The following ADH4 variants were observed in gnomAD, a reference collection of about 807,000 sequenced individuals.
ADH4 encodes the protein all-trans-retinol dehydrogenase [NAD(+)] ADH4.
A neutral mutation model predicts 35.2 loss-of-function variants in ADH4; 31 were observed. That is an observed-to-expected ratio of 0.88 (90% CI 0.66 to 1.19). ADH4 has a LOEUF of 1.19. Among genes scored for constraint, ADH4 ranks in the 50% most tolerant of loss-of-function variants. ADH4 has a pLI of 0.00. For missense variants in ADH4, 476 were observed against 458.3 expected (o/e 1.04, Z -0.35); for synonymous variants, 171 against 160.2 (o/e 1.07, Z -0.51).
intron 8 of ADH4, among the ~76,000 whole-genome samples, chr4:99,125,357 C>G (rs1329584321): frequency 6.6e-6 from 1 of 152,210 alleles, no homozygotes; most frequent in Non-Finnish European, 1.5e-5. Context: ...AGGCTGATTA[C>G]CAGGGAAGCC....
chr4:99,134,616 G>A (rs1010996010), intron 5 of ADH4, among the ~76,000 whole-genome samples: 8 of 151,976 alleles, frequency 5.3e-5, no homozygotes, highest in African/African-American at 1.9e-4. Context: ...GGCTTTGACT[G>A]CCATGTGCAC....
At position 99,144,225 on chromosome 4, in the gene ADH4, T is replaced by G. The variant is rs1211726189; in HGVS notation, c.-3A>C. 7 of 1,613,684 alleles carry G rather than the reference T, an allele frequency of 4.3e-6. No homozygotes were observed. In the East Asian group the frequency reaches 6.7e-5, roughly 15 times the overall value. On this transcript the variant is annotated 5_prime_UTR_variant, in exon 1 of 9. Coordinates refer to ENST00000265512, the MANE Select transcript of ADH4 (RefSeq NM_000670.5). ...CTTACTTTGCCCTTGGTGCCCATTT[T>G]TCTTTGGGAAACTGTGTTGGAAGTT...
chr4:99,139,628 G>A (rs1438710991), intron 3 of ADH4, among the ~76,000 whole-genome samples: 5 of 151,984 alleles, frequency 3.3e-5, no homozygotes, highest in African/African-American at 9.7e-5. Flanking sequence ...TCTGTGCTTC[G>A]ATGCCTGAGG....
intron 1 of ADH4, 189 bp from the exon 2 acceptor site, chr4:99,142,969 TAAG>T (rs762243858): frequency 1.1e-4 from 66 of 622,966 alleles, no homozygotes; most frequent in Non-Finnish European, 1.6e-4. Context: ...TAAAGAAAAA[TAAG>T]AAGTTAAATT....
chr4:99,139,026 A>C (rs1729529007), intron 4 of ADH4, 35 bp downstream of exon 4: 1 of 1,509,572 alleles, frequency 6.6e-7, no homozygotes, highest in Admixed American at 1.8e-5. Context: ...TATTCATTCA[A>C]ATTTATACTA....
intron 4 of ADH4, among the ~76,000 whole-genome samples, chr4:99,137,728 A>G (rs551678973): frequency 6.6e-6 from 1 of 152,304 alleles, no homozygotes; most frequent in South Asian, 2.1e-4. Flanking sequence ...TCCAGTAACC[A>G]TCAATTCATG....
Position 99,124,183 on chromosome 4 carries a change from C to A in ADH4, c.*259G>T. The A allele has an allele frequency of 2.9e-6, 1 of 342,332 alleles. No individual in the cohort carries two copies. Among genetic ancestry groups the A allele is most frequent in the Non-Finnish European group, 5.2e-6 (1 of 193,144 alleles). The allele number at this position is 342,332 out of a possible 1,614,324, so 21.2% of individuals were successfully genotyped here. A position where few individuals can be genotyped will look rare whatever the true frequency, so the allele number is the denominator to read the frequency against. The stretch of plus-strand genomic sequence containing the variant: ...TCTTCATTCCCCACTTTCAACTTCC[C>A]AGAACTAATTTTAAACAATTTCTAA... On this transcript the variant is annotated 3_prime_UTR_variant, in exon 9 of 9. Coordinates refer to ENST00000265512, the MANE Select transcript of ADH4 (RefSeq NM_000670.5).
Position 99,126,628 on chromosome 4 carries a change from TG to T in ADH4, c.1083del (p.Ser362ValfsTer6). 1 of 1,609,314 alleles carries T rather than the reference TG, an allele frequency of 6.2e-7. No homozygotes were observed. Among genetic ancestry groups the T allele is most frequent in the Non-Finnish European group, 8.5e-7 (1 of 1,176,584 alleles). On this transcript the variant is annotated frameshift_variant, in exon 8 of 9. Coordinates refer to ENST00000265512, the MANE Select transcript of ADH4 (RefSeq NM_000670.5). LOFTEE classifies it high-confidence loss of function. Reference sequence around the variant, plus strand: ...TGGTTCATTAGGTCAAATGCCTCACTGATTTTGTCAAAAGGCAGGGTATGGG... The same window carrying T: ...TGGTTCATTAGGTCAAATGCCTCACTATTTTGTCAAAAGGCAGGGTATGGG... ...LVTHTLPFDKISEAFDLMNQG... is the reference protein window; with the variant it reads ...LVTHTLPFDKXSEAFDLMNQG...
intron 5 of ADH4, among the ~76,000 whole-genome samples, chr4:99,135,942 G>A (rs1372417493): frequency 2.6e-5 from 4 of 152,108 alleles, no homozygotes; most frequent in South Asian, 4.1e-4. Context: ...GACACATCTG[G>A]TCAACATTAC....
rs1035170668 is a variant in ADH4, at chr4:99,141,780, A to G, written c.121-98T>C. 2.1e-5 allele frequency: 25 copies of G among 1,178,124 alleles called. No individual in the cohort carries two copies. The Middle Eastern group carries it at 3.3e-3, about 157-fold the overall frequency. The allele number at this position is 1,178,124 out of a possible 1,614,324, so 73.0% of individuals were successfully genotyped here. ...AGGCTTGATATCATTTTAAAACTTT[A>G]TAAGACTTCTAGAACTCAATAAAAG... is the stretch of plus-strand genomic sequence containing the variant. On this transcript the variant is annotated intron_variant, in intron 2 of 8. Transcript: ENST00000265512.
chr4:99,131,718 C>A lies in ADH4; in HGVS notation c.629G>T (p.Gly210Val), dbSNP rs1201987957. Residue 210 changes from glycine (G) to valine (V), a missense_variant, in exon 6 of 9, where the codon GGT becomes GTT. Coordinates refer to ENST00000265512, the MANE Select transcript of ADH4 (RefSeq NM_000670.5). ...TTTACAACCCATTACAGCAGAAAGACCCACACCTCCTAGGCCAAAGACAGC... is the reference window on the plus strand; with the variant it reads ...TTTACAACCCATTACAGCAGAAAGAACCACACCTCCTAGGCCAAAGACAGC... The part of the protein sequence containing the change: ...TCAVFGLGGV[G>V]LSAVMGCKAA... 3 of 1,614,120 alleles carry A rather than the reference C, an allele frequency of 1.9e-6. No homozygotes were observed. Among genetic ancestry groups the A allele is most frequent in the Non-Finnish European group, 2.5e-6 (3 of 1,180,006 alleles).
At chr4:99,130,174 A>G (rs1322478255) in intron 6 of ADH4, among the ~76,000 whole-genome samples, 1 of 152,194 alleles carries the variant, frequency 6.6e-6, no homozygotes, top group Non-Finnish European at 1.5e-5. Flanking sequence ...ATAAGTAACT[A>G]TTGTTTTACA....
chr4:99,125,593 G>A (rs1560773946), intron 8 of ADH4, among the ~76,000 whole-genome samples: 1 of 152,154 alleles, frequency 6.6e-6, no homozygotes. Context: ...ATAATACATT[G>A]CAGGGCTTAT....
chr4:99,139,214 C>T, intron 3 of ADH4, 66 bp from the exon 4 acceptor site: 1 of 999,044 alleles, frequency 1.0e-6, no homozygotes. Context: ...CCAGATAAAT[C>T]AGTGGAAAAC....
intron 6 of ADH4, among the ~76,000 whole-genome samples, chr4:99,128,621 G>C (rs1404871338): frequency 6.6e-6 from 1 of 151,956 alleles, no homozygotes; most frequent in Non-Finnish European, 1.5e-5. Flanking sequence ...ATAAATGCTG[G>C]ATATGTGAGT....
At chr4:99,126,884 C>G in intron 7 of ADH4, 152 bp from the exon 8 acceptor site, 1 of 669,686 alleles carries the variant, frequency 1.5e-6, no homozygotes, top group Non-Finnish European at 2.2e-6. Context: ...GTACTTATAT[C>G]TATTTTAAAA....
intron 5 of ADH4, 57 bp from the exon 6 acceptor site, chr4:99,131,821 T>C (rs1729285426): frequency 1.3e-6 from 2 of 1,555,538 alleles, no homozygotes; most frequent in Admixed American, 1.9e-5. Context: ...ACTTTTTTTC[T>C]TTTAAGAGTC....
chr4:99,143,001 A>G lies in ADH4; in HGVS notation c.19-221T>C, dbSNP rs29001172. ...TTAAATTCTACATTATAGTCATTAC[A>G]TTTTTTATTTCTTGAAAAAAAAACA... is the stretch of plus-strand genomic sequence containing the variant. On this transcript the variant is annotated intron_variant, in intron 1 of 8. Transcript: ENST00000265512. 1.8e-3 allele frequency: 1,129 copies of G among 621,396 alleles called. 11 individuals carry two copies. The African/African-American group carries it at 0.026, about 14-fold the overall frequency. The allele number at this position is 621,396 out of a possible 1,614,324, so 38.5% of individuals were successfully genotyped here. A position where few individuals can be genotyped will look rare whatever the true frequency, so the allele number is the denominator to read the frequency against.
rs779328983 is a variant in ADH4 at position 99,131,692 on chromosome 4, C to T, written c.655G>A (p.Ala219Thr). The T allele has an allele frequency of 6.2e-7, 1 of 1,614,166 alleles. No homozygotes were observed. The highest frequency in any genetic ancestry group is 1.1e-5 in the South Asian group (1 of 91,082). The change falls in exon 6 of 9, where the codon GCA (alanine) becomes ACA (threonine). Residue 219 changes from alanine to threonine, a missense_variant. Transcript: ENST00000265512. ...CCTATGATTCTGGAAGCTCCTGCTG[C>T]TTTACAACCCATTACAGCAGAAAGA... The part of the protein sequence containing the change: ...VGLSAVMGCK[A>T]AGASRIIGID...
Sources: allele counts gnomAD v4.1 joint callset (sites outside exome capture counted in the v4.1 genomes callset), GRCh38; gene constraint gnomAD v4.1.1; transcripts MANE v1.5; gene names NCBI Gene and HGNC (gene_info 2026-07-23, HGNC 2026-07-21).